The following KCNIP4 variants were observed in gnomAD, a reference collection of about 807,000 sequenced individuals.
The protein encoded by KCNIP4 is Kv channel-interacting protein 4.
KCNIP4 carries 12 observed loss-of-function variants against 34.0 expected under a neutral mutation model. The ratio of observed to expected loss-of-function variants is 0.35; its 90% CI spans 0.23 to 0.57. The LOEUF is 0.57. Ranked by LOEUF, KCNIP4 falls within the 20% of genes least tolerant of loss-of-function variation. The pLI, the probability that KCNIP4 is intolerant of heterozygous loss-of-function variation, is 0.83. For synonymous variants in KCNIP4, 124 were observed against 102.2 expected (o/e 1.21, Z -1.29); for missense variants, 238 against 311.7 (o/e 0.76, Z 1.78).
At chr4:21,454,090 TCAA>T (rs1728731128) in intron 1 of KCNIP4, among the ~76,000 whole-genome samples, 2 of 152,214 alleles carry the variant, frequency 1.3e-5, no homozygotes, top group African/African-American at 4.8e-5. Context: ...ATACACTTTG[TCAA>T]TATGGTCCTC....
chr4:21,380,826 T>G (rs1178112862), intron 1 of KCNIP4, among the ~76,000 whole-genome samples: 1 of 137,008 alleles, frequency 7.3e-6, no homozygotes, highest in Non-Finnish European at 1.7e-5. Flanking sequence ...AGATACACTA[T>G]ATTTCCATTG....
At chr4:21,249,804 T>C (rs1701869650) in intron 1 of KCNIP4, among the ~76,000 whole-genome samples, 1 of 152,196 alleles carries the variant, frequency 6.6e-6, no homozygotes, top group Non-Finnish European at 1.5e-5. Flanking sequence ...TGGCGATGAA[T>C]ATGTGCCAGC....
Position 21,140,914 on chromosome 4 carries a change from C to T in KCNIP4, c.62-258205G>A, listed in dbSNP as rs565940674. Among the ~76,000 whole-genome samples, 36 of 152,312 alleles carry T rather than the reference C, an allele frequency of 2.4e-4. 1 individual carries two copies. Among genetic ancestry groups the T allele is most frequent in the African/African-American group, 7.9e-4 (33 of 41,576 alleles). ...TGCAGCCTGCCTCTGTCTCCACCTC[C>T]GCTAGCATGCATTATCTGGGACAGT... On this transcript the variant is annotated intron_variant, in intron 1 of 8. Coordinates refer to ENST00000382152, the MANE Select transcript of KCNIP4 (RefSeq NM_025221.6).
chr4:21,185,781 C>T (rs952129502), intron 1 of KCNIP4, among the ~76,000 whole-genome samples: 18 of 152,052 alleles, frequency 1.2e-4, no homozygotes, highest in Non-Finnish European at 2.6e-4. Context: ...TCTTTTTATC[C>T]ATTTCCATAA....
At chr4:21,572,504 A>G (rs1740437608) in intron 1 of KCNIP4, among the ~76,000 whole-genome samples, 3 of 152,150 alleles carry the variant, frequency 2.0e-5, no homozygotes, top group African/African-American at 4.8e-5. Flanking sequence ...ACCTTACTGT[A>G]TTAATATATG....
intron 1 of KCNIP4, among the ~76,000 whole-genome samples, chr4:20,934,964 A>C (rs1351251475): frequency 6.6e-6 from 1 of 152,174 alleles, no homozygotes; most frequent in Non-Finnish European, 1.5e-5. Context: ...GACTCCAGGC[A>C]TTTCCTGACT....
intron 1 of KCNIP4, among the ~76,000 whole-genome samples, chr4:21,168,790 C>A (rs1753809394): frequency 6.6e-6 from 1 of 152,110 alleles, no homozygotes; most frequent in Admixed American, 6.6e-5. Context: ...ATATCTGCCT[C>A]TGCCTTCACT....
At chr4:21,477,486 T>C (rs147030682) in intron 1 of KCNIP4, among the ~76,000 whole-genome samples, 440 of 152,264 alleles carry the variant, frequency 2.9e-3, no homozygotes, top group African/African-American at 0.01. Context: ...CAACAGCATA[T>C]CAATTAATCT....
At chr4:20,834,153 A>G (rs946168835) in intron 3 of KCNIP4, among the ~76,000 whole-genome samples, 4 of 152,228 alleles carry the variant, frequency 2.6e-5, no homozygotes, top group African/African-American at 9.6e-5. Flanking sequence ...ATTCCAGAGA[A>G]GAGTAAGTGG....
At chr4:20,752,059 T>G (rs1224527229) in intron 4 of KCNIP4, among the ~76,000 whole-genome samples, 1 of 140,922 alleles carries the variant, frequency 7.1e-6, no homozygotes, top group Non-Finnish European at 1.6e-5. Context: ...CATAGAGTTT[T>G]TTTTTTTTTT....
chr4:21,512,904 G>A (rs1046268725), intron 1 of KCNIP4, among the ~76,000 whole-genome samples: 2 of 152,132 alleles, frequency 1.3e-5, no homozygotes, highest in African/African-American at 2.4e-5. Flanking sequence ...ACACAATCTC[G>A]CTTTATGGCA....
At chr4:20,745,463 T>C (rs1181464052) in intron 5 of KCNIP4, among the ~76,000 whole-genome samples, 1 of 152,224 alleles carries the variant, frequency 6.6e-6, no homozygotes, top group Non-Finnish European at 1.5e-5. Flanking sequence ...ATGTGGCTTA[T>C]AAGACTTTTG....
chr4:21,559,495 G>T lies in KCNIP4; in HGVS notation c.61+389076C>A, dbSNP rs565626610. Among the ~76,000 whole-genome samples the T allele has an allele frequency of 3.9e-5, 6 of 152,190 alleles. No homozygotes were observed. In the East Asian group the frequency reaches 1.2e-3, roughly 29 times the overall value. ...AGACCCATTCAAGGACTAATTGATG[G>T]CATCTGTCCCTTAAGGAGTTCGGAG... On this transcript the variant is annotated intron_variant, in intron 1 of 8. Coordinates refer to ENST00000382152, the MANE Select transcript of KCNIP4 (RefSeq NM_025221.6).
intron 1 of KCNIP4, among the ~76,000 whole-genome samples, chr4:21,459,129 CAA>C (rs1729228112): frequency 6.6e-6 from 1 of 152,058 alleles, no homozygotes; most frequent in Non-Finnish European, 1.5e-5. Context: ...TCAAACTTCT[CAA>C]AAGAGTTTCT....
chr4:20,849,075 C>T (rs995751066), intron 3 of KCNIP4, among the ~76,000 whole-genome samples: 1 of 152,170 alleles, frequency 6.6e-6, no homozygotes, highest in Non-Finnish European at 1.5e-5. Flanking sequence ...TACTCATCCT[C>T]TTTCCTGGTT....
At chr4:20,860,324 G>T (rs1405725898) in intron 2 of KCNIP4, among the ~76,000 whole-genome samples, 2 of 152,036 alleles carry the variant, frequency 1.3e-5, no homozygotes, top group African/African-American at 2.4e-5. Context: ...ATTTAGTAGA[G>T]AGGGGGTTTC....
chr4:21,518,579 G>C (rs1734968562), intron 1 of KCNIP4, among the ~76,000 whole-genome samples: 1 of 152,112 alleles, frequency 6.6e-6, no homozygotes, highest in African/African-American at 2.4e-5. Flanking sequence ...TGAAGAGGTA[G>C]GACCTGCCGA....
chr4:20,836,967 T>C (rs776246619), intron 3 of KCNIP4, among the ~76,000 whole-genome samples: 1 of 152,072 alleles, frequency 6.6e-6, no homozygotes, highest in Non-Finnish European at 1.5e-5. Flanking sequence ...CTAATGTCTA[T>C]CAGGTGAGAA....
intron 1 of KCNIP4, among the ~76,000 whole-genome samples, chr4:20,979,028 A>G (rs1012719264): frequency 3.9e-5 from 6 of 152,110 alleles, no homozygotes; most frequent in African/African-American, 1.4e-4. Context: ...TATGTGTAAA[A>G]TTTTTCAAAA....
Sources: gnomAD v4.1 joint callset for allele counts (sites outside exome capture counted in the v4.1 genomes callset) on GRCh38, gnomAD v4.1.1 for gene constraint, MANE v1.5 for transcripts, NCBI Gene and HGNC (gene_info 2026-07-23, HGNC 2026-07-21) for gene names.